The following MAGI2 variants were observed in gnomAD, a reference collection of about 807,000 sequenced individuals.
MAGI2 encodes the protein membrane-associated guanylate kinase, WW and PDZ domain-containing protein 2.
In MAGI2, 35 loss-of-function variants were observed where a neutral mutation model predicts 133.3. The ratio of observed to expected loss-of-function variants is 0.26; its 90% confidence interval spans 0.20 to 0.35. The LOEUF (loss-of-function observed/expected upper bound fraction) is 0.35. Ranked by LOEUF, MAGI2 falls within the 10% of genes least tolerant of loss-of-function variation. The probability of loss-of-function intolerance (pLI) is 1.00; values close to 1 mark genes in which losing one functional copy is unlikely to be tolerated. For missense variants in MAGI2, 1,636 were observed against 1,863.4 expected, an observed-to-expected ratio of 0.88 and a Z score of 2.25; for synonymous variants, 729 against 710.6, an observed-to-expected ratio of 1.03 and a Z score of -0.41.
intron 2 of MAGI2, among the ~76,000 whole-genome samples, chr7:78,845,784 G>A (rs1299278817): frequency 5.3e-5 from 8 of 151,852 alleles, no homozygotes; most frequent in African/African-American, 1.9e-4. Flanking sequence ...TCCTCACATT[G>A]CAATGGGTGC....
At chr7:78,585,863 T>C (rs536816354) in intron 3 of MAGI2, among the ~76,000 whole-genome samples, 243 of 152,294 alleles carry the variant, frequency 1.6e-3, no homozygotes, top group Middle Eastern at 0.01. Context: ...GCTAACTTCA[T>C]GAAGATGATC....
At chr7:78,281,884 C>CAAAA (rs60871451) in intron 9 of MAGI2, among the ~76,000 whole-genome samples, 1,435 of 139,688 alleles carry the variant, frequency 0.01, 13 homozygotes, top group East Asian at 0.065. Flanking sequence ...AACTCCATCT[C>CAAAA]AAAAAAAAAA....
chr7:78,250,139 C>T (rs1792236418), intron 10 of MAGI2, among the ~76,000 whole-genome samples: 1 of 151,970 alleles, frequency 6.6e-6, no homozygotes, highest in South Asian at 2.1e-4. Flanking sequence ...TATTAAAAAA[C>T]AGCAAGGCAC....
At chr7:78,497,415 T>C (rs1175348871) in intron 5 of MAGI2, among the ~76,000 whole-genome samples, 3 of 152,304 alleles carry the variant, frequency 2.0e-5, no homozygotes, top group East Asian at 3.9e-4. Flanking sequence ...TTGAGTAGTG[T>C]GGGAAACATA....
At chr7:78,300,222 T>TA (rs1430711396) in intron 9 of MAGI2, among the ~76,000 whole-genome samples, 4 of 152,202 alleles carry the variant, frequency 2.6e-5, no homozygotes, top group Non-Finnish European at 1.5e-5. Context: ...TCTTAGCATT[T>TA]AATAATTTAA....
intron 1 of MAGI2, among the ~76,000 whole-genome samples, chr7:79,299,025 G>A (rs1297655740): frequency 6.6e-6 from 1 of 152,076 alleles, no homozygotes; most frequent in Admixed American, 6.6e-5. Context: ...TAGCAAACTA[G>A]GCAGTTTTGA....
intron 2 of MAGI2, among the ~76,000 whole-genome samples, chr7:78,881,919 C>G (rs1795869680): frequency 5.3e-5 from 8 of 150,558 alleles, no homozygotes; most frequent in Admixed American, 5.3e-4. Context: ...AATCCCAAAG[C>G]TAGCAGAGGA....
chr7:78,742,292 C>G (rs891228648), intron 2 of MAGI2, among the ~76,000 whole-genome samples: 6 of 152,132 alleles, frequency 3.9e-5, no homozygotes, highest in African/African-American at 1.4e-4. Flanking sequence ...TGGGACTACA[C>G]TGACAACAAG....
chr7:78,407,770 A>G (rs2151368901), intron 6 of MAGI2, among the ~76,000 whole-genome samples: 1 of 152,200 alleles, frequency 6.6e-6, no homozygotes, highest in Non-Finnish European at 1.5e-5. Flanking sequence ...AGCCAACTGA[A>G]ACAAGTAGGA....
intron 6 of MAGI2, among the ~76,000 whole-genome samples, chr7:78,410,252 G>T (rs760250941): frequency 2.0e-5 from 3 of 151,904 alleles, no homozygotes; most frequent in Non-Finnish European, 4.4e-5. Flanking sequence ...AGAATAAGCG[G>T]GATTAAAACT....
At chr7:79,286,777 A>G (rs1259999144) in intron 1 of MAGI2, among the ~76,000 whole-genome samples, 1 of 151,972 alleles carries the variant, frequency 6.6e-6, no homozygotes, top group Non-Finnish European at 1.5e-5. Flanking sequence ...CCCCATCCCA[A>G]TTGTTCCCAC....
intron 2 of MAGI2, chr7:78,771,432 C>A (rs1210136980): frequency 6.6e-6 from 1 of 152,156 alleles, no homozygotes; most frequent in Admixed American, 6.5e-5. Flanking sequence ...TACACACAGG[C>A]ACATTTACAT....
intron 2 of MAGI2, among the ~76,000 whole-genome samples, chr7:78,686,506 C>T (rs2151109220): frequency 6.7e-6 from 1 of 148,550 alleles, no homozygotes; most frequent in Middle Eastern, 3.6e-3. Flanking sequence ...GTTTTCATCA[C>T]AGGCTTCTCC....
At chr7:78,935,523 T>A (rs1800444498) in intron 2 of MAGI2, among the ~76,000 whole-genome samples, 1 of 152,134 alleles carries the variant, frequency 6.6e-6, no homozygotes, top group South Asian at 2.1e-4. Context: ...GAATTTATTG[T>A]TCCTTATGTT....
At chr7:78,611,684 C>G (rs569984923) in intron 3 of MAGI2, among the ~76,000 whole-genome samples, 1 of 152,318 alleles carries the variant, frequency 6.6e-6, no homozygotes, top group South Asian at 2.1e-4. Context: ...CTACAACACA[C>G]ACGTACAGCC....
intron 1 of MAGI2, among the ~76,000 whole-genome samples, chr7:79,100,051 T>C (rs1218128664): frequency 6.6e-6 from 1 of 152,238 alleles, no homozygotes; most frequent in Non-Finnish European, 1.5e-5. Flanking sequence ...TGTTTTGTAA[T>C]TGATCCTTCT....
chr7:78,638,064 A>C (rs1401500625), intron 2 of MAGI2, among the ~76,000 whole-genome samples: 1 of 152,204 alleles, frequency 6.6e-6, no homozygotes, highest in East Asian at 1.9e-4. Context: ...CCCTGTTTCA[A>C]GAAAAAAATA....
intron 9 of MAGI2, among the ~76,000 whole-genome samples, chr7:78,293,560 T>C (rs1198804559): frequency 6.6e-6 from 1 of 152,214 alleles, no homozygotes. Flanking sequence ...AGAAATACCA[T>C]TTGACCCAGC....
chr7:79,122,329 C>T (rs910611686), intron 1 of MAGI2, among the ~76,000 whole-genome samples: 5 of 152,152 alleles, frequency 3.3e-5, no homozygotes, highest in African/African-American at 1.2e-4. Flanking sequence ...AAGACAATGA[C>T]CAAGTTTTAA....
Sources: allele counts gnomAD v4.1 joint callset (sites outside exome capture counted in the v4.1 genomes callset), GRCh38; gene constraint gnomAD v4.1.1; transcripts MANE v1.5; gene names NCBI Gene and HGNC (gene_info 2026-07-23, HGNC 2026-07-21).